Variants in OSBPL3 observed in about 807,000 individuals in gnomAD.
The protein encoded by OSBPL3 is oxysterol-binding protein-related protein 3.
Under a neutral mutation model 120.1 loss-of-function variants are expected in OSBPL3, and 65 were observed. The ratio of observed to expected loss-of-function variants is 0.54; its 90% CI spans 0.44 to 0.67. OSBPL3 has a LOEUF of 0.67. Ranked by LOEUF, OSBPL3 falls within the 30% of genes least tolerant of loss-of-function variation. The pLI, the probability that OSBPL3 is intolerant of heterozygous loss-of-function variation, is 0.00. For missense variants in OSBPL3, 1,004 were observed against 1,082.1 expected (o/e 0.93, Z 1.01); for synonymous variants, 416 against 402.6 (o/e 1.03, Z -0.40).
rs192583084 is a variant in OSBPL3, at chr7:24,924,449, C to T, written c.-149-31828G>A. Among the ~76,000 whole-genome samples the T allele has an allele frequency of 5.3e-5, 8 of 152,286 alleles. No homozygotes were observed. In the East Asian group the frequency reaches 1.5e-3, roughly 29 times the overall value. ...AAGTAGTAAGAGTCTAACTCCGATACACTTTTGTACTTGTGACTTTCCTAT... is the reference window on the plus strand; with the variant it reads ...AAGTAGTAAGAGTCTAACTCCGATATACTTTTGTACTTGTGACTTTCCTAT... On this transcript the variant is annotated intron_variant, in intron 1 of 22. Transcript: ENST00000313367.
At chr7:24,812,189 C>T (rs566638904) in intron 19 of OSBPL3, among the ~76,000 whole-genome samples, 1 of 151,740 alleles carries the variant, frequency 6.6e-6, no homozygotes, top group Admixed American at 6.6e-5. Context: ...CACCTGTAAT[C>T]CCAGCTACTT....
intron 1 of OSBPL3, among the ~76,000 whole-genome samples, chr7:24,962,427 A>AGAG (rs1554420657): frequency 1.9e-5 from 1 of 53,494 alleles, no homozygotes; most frequent in African/African-American, 8.6e-5. Context: ...AGGGGAGGGG[A>AGAG]GAGGAGAGAG....
At chr7:24,979,372 G>T (rs2128555591) in intron 1 of OSBPL3, among the ~76,000 whole-genome samples, 1 of 152,274 alleles carries the variant, frequency 6.6e-6, no homozygotes, top group South Asian at 2.1e-4. Context: ...TGGGCCTCCA[G>T]CCCAGCACCG....
intron 1 of OSBPL3, among the ~76,000 whole-genome samples, chr7:24,928,442 T>C (rs545142771): frequency 1.9e-4 from 29 of 152,214 alleles, no homozygotes; most frequent in East Asian, 1.5e-3. Context: ...CTGCCCACCT[T>C]GGCCTCCCAA....
At chr7:24,853,739 G>T (rs1376316618) in intron 10 of OSBPL3, among the ~76,000 whole-genome samples, 1 of 152,154 alleles carries the variant, frequency 6.6e-6, no homozygotes, top group Non-Finnish European at 1.5e-5. Context: ...CTCTCAAATG[G>T]TTCCAAAAAG....
rs941091831 is a variant in OSBPL3 at position 24,855,900 on chromosome 7, C to T, written c.1028-3266G>A. On this transcript the variant is annotated intron_variant, in intron 10 of 22. Coordinates refer to ENST00000313367, the MANE Select transcript of OSBPL3 (RefSeq NM_015550.4). The surrounding 1 kb of genome is among the most constrained non-coding windows in gnomAD (Gnocchi z 4.3). ...GATGCTCAGAGATTACCAAAGCCACCCACCCCACAACACGACCAACTCTTC... is the reference window on the plus strand; with the variant it reads ...GATGCTCAGAGATTACCAAAGCCACTCACCCCACAACACGACCAACTCTTC... Among the ~76,000 whole-genome samples, 1 of 152,144 alleles carries T rather than the reference C, an allele frequency of 6.6e-6. No individual in the cohort carries two copies. The highest frequency in any genetic ancestry group is 1.5e-5 in the Non-Finnish European group (1 of 68,036).
intron 1 of OSBPL3, among the ~76,000 whole-genome samples, chr7:24,923,090 C>T (rs1441909105): frequency 1.3e-5 from 2 of 152,204 alleles, no homozygotes; most frequent in Non-Finnish European, 2.9e-5. Flanking sequence ...GAATCTTCCT[C>T]AGTTCAGAAC....
intron 5 of OSBPL3, among the ~76,000 whole-genome samples, chr7:24,866,818 T>C (rs1212568075): frequency 6.6e-6 from 1 of 152,222 alleles, no homozygotes; most frequent in Non-Finnish European, 1.5e-5. Flanking sequence ...ATTTATTTAT[T>C]TGAGACGGAG....
intron 12 of OSBPL3, among the ~76,000 whole-genome samples, chr7:24,848,725 G>C (rs1294000982): frequency 1.3e-5 from 2 of 152,014 alleles, no homozygotes; most frequent in African/African-American, 4.8e-5. Context: ...AGAAACGTAG[G>C]TTTCTTCAGT....
rs975826222 is a variant in OSBPL3, at chr7:24,959,475, C to A, written c.-150+20411G>T. 6.6e-6 allele frequency among the ~76,000 whole-genome samples: 1 copy of A among 152,148 alleles called. No homozygotes were observed. Among genetic ancestry groups the A allele is most frequent in the African/African-American group, 2.4e-5 (1 of 41,424 alleles). On this transcript the variant is annotated intron_variant, in intron 1 of 22. Coordinates refer to ENST00000313367, the MANE Select transcript of OSBPL3 (RefSeq NM_015550.4). This position sits in a 1 kb window ranked among gnomAD's most constrained non-coding sequence, Gnocchi z 4.3. ...TAAAGCGTTAACATGAGTCAATTTA[C>A]ATAAGTTACAAAAACAAGCAAAGCT...
chr7:24,863,170 A>C lies in OSBPL3; in HGVS notation c.870+30T>G. The C allele has an allele frequency of 3.9e-6, 6 of 1,545,824 alleles. No individual in the cohort carries two copies. The highest frequency in any genetic ancestry group is 5.4e-6 in the Non-Finnish European group (6 of 1,117,626). On this transcript the variant is annotated intron_variant, in intron 9 of 22. Coordinates refer to ENST00000313367, the MANE Select transcript of OSBPL3 (RefSeq NM_015550.4). The surrounding 1 kb of genome is among the most constrained non-coding windows in gnomAD (Gnocchi z 5.8). ...GCATGCAGAGCAGGGCCAATGAAGA[A>C]ACCAGTCTGTCAGGGGAAGCAATGG...
At chr7:24,878,331 C>T (rs769386766) in intron 2 of OSBPL3, among the ~76,000 whole-genome samples, 2 of 152,192 alleles carry the variant, frequency 1.3e-5, no homozygotes, top group Non-Finnish European at 2.9e-5. Flanking sequence ...GTGGTTGCCT[C>T]TATCAGGCAT....
intron 10 of OSBPL3, among the ~76,000 whole-genome samples, chr7:24,856,561 G>T (rs1221584610): frequency 6.6e-6 from 1 of 152,102 alleles, no homozygotes; most frequent in Non-Finnish European, 1.5e-5. Flanking sequence ...CTCTAATAAG[G>T]CCAGCCTGAA....
rs75439300 is a variant in OSBPL3, at chr7:24,940,774, C to T, written c.-150+39112G>A. Among the ~76,000 whole-genome samples the T allele has an allele frequency of 6.0e-3, 912 of 152,034 alleles. 7 individuals are homozygous for T. The highest frequency in any genetic ancestry group is 0.021 in the African/African-American group (866 of 41,480). On this transcript the variant is annotated intron_variant, in intron 1 of 22. Coordinates refer to ENST00000313367, the MANE Select transcript of OSBPL3 (RefSeq NM_015550.4). This position sits in a 1 kb window ranked among gnomAD's most constrained non-coding sequence, Gnocchi z 4.4. ...CAGGAGACAGCTACAAACCAAAGCT[C>T]ACACTTCCCACATCGCTCTTCTTAA...
chr7:24,870,159 T>C (rs982581905), intron 5 of OSBPL3, among the ~76,000 whole-genome samples: 5 of 152,170 alleles, frequency 3.3e-5, no homozygotes. Flanking sequence ...ACATCAAGAT[T>C]TGAACCAGAT....
rs902577758 is a variant in OSBPL3, at chr7:24,813,747, T to C, written c.2172+1312A>G. Among the ~76,000 whole-genome samples, 13 of 152,192 alleles carry C rather than the reference T, an allele frequency of 8.5e-5. No homozygotes were observed. Among genetic ancestry groups the C allele is most frequent in the African/African-American group, 3.1e-4 (13 of 41,450 alleles). ...GCTTATTATTTCGATCTTTGTTAAA[T>C]GCCAATATTCCTTGAGGAGGGTCAT... On this transcript the variant is annotated intron_variant, in intron 19 of 22. Coordinates refer to ENST00000313367, the MANE Select transcript of OSBPL3 (RefSeq NM_015550.4). This position sits in a 1 kb window ranked among gnomAD's most constrained non-coding sequence, Gnocchi z 4.5.
At chr7:24,870,029 C>T (rs1349444536) in intron 5 of OSBPL3, among the ~76,000 whole-genome samples, 1 of 152,154 alleles carries the variant, frequency 6.6e-6, no homozygotes, top group Non-Finnish European at 1.5e-5. Context: ...GGCACTATAC[C>T]AAGTTTTCTA....
chr7:24,915,169 C>A (rs1218204010), intron 1 of OSBPL3, among the ~76,000 whole-genome samples: 2 of 152,100 alleles, frequency 1.3e-5, no homozygotes, highest in African/African-American at 4.8e-5. Context: ...ACAAAGCTAC[C>A]CAATAATTCT....
At chr7:24,869,408 G>T (rs930892625) in intron 5 of OSBPL3, among the ~76,000 whole-genome samples, 2 of 152,110 alleles carry the variant, frequency 1.3e-5, no homozygotes, top group Non-Finnish European at 2.9e-5. Flanking sequence ...CAGAAAAAAC[G>T]ATAGTATTCT....
Sources: allele counts gnomAD v4.1 joint callset (sites outside exome capture counted in the v4.1 genomes callset), GRCh38; gene constraint gnomAD v4.1.1; non-coding constraint Gnocchi (gnomAD v3.1); transcripts MANE v1.5; gene names NCBI Gene and HGNC (gene_info 2026-07-23, HGNC 2026-07-21).